CWF19L1: variants seen among roughly 807,000 people sequenced by gnomAD.
CWF19L1 encodes the protein CWF19-like protein 1.
Under a neutral mutation model 69.7 loss-of-function variants are expected in CWF19L1, and 60 were observed. The ratio of observed to expected loss-of-function variants is 0.86; its 90% CI spans 0.70 to 1.07. CWF19L1 has a LOEUF of 1.07. Among genes scored for constraint, CWF19L1 ranks in the 50% least tolerant of loss-of-function variants. The pLI is 0.00. For synonymous variants in CWF19L1, 209 were observed against 222.2 expected (o/e 0.94, Z 0.53); for missense variants, 591 against 638.9 (o/e 0.92, Z 0.81).
chr10:100,238,322 G>A (rs1449707080), intron 10 of CWF19L1, 91 bp from the exon 11 acceptor site: 3 of 1,172,482 alleles, frequency 2.6e-6, no homozygotes, highest in East Asian at 2.3e-5. Context: ...GCCTGAGGGT[G>A]TAGGCGAAAA....
intron 7 of CWF19L1, chr10:100,248,503 A>T: frequency 2.9e-6 from 2 of 680,964 alleles, no homozygotes; most frequent in South Asian, 3.2e-5. Context: ...GTCATCACTG[A>T]TAGCAAAGAT....
intron 11 of CWF19L1, 68 bp downstream of exon 11, chr10:100,237,954 A>C: frequency 6.8e-7 from 1 of 1,460,366 alleles, no homozygotes; most frequent in East Asian, 2.3e-5. Flanking sequence ...CAGCCTATTT[A>C]AATACTTATT....
intron 2 of CWF19L1, 105 bp downstream of exon 2, chr10:100,261,869 CAATTT>C: frequency 1.1e-6 from 1 of 919,456 alleles, no homozygotes; most frequent in South Asian, 1.8e-5. Context: ...GAAGGGAACT[CAATTT>C]AACAAAAATG....
intron 6 of CWF19L1, among the ~76,000 whole-genome samples, chr10:100,251,420 G>C (rs991180798): frequency 9.2e-5 from 14 of 151,870 alleles, no homozygotes; most frequent in African/African-American, 3.4e-4. Flanking sequence ...CATCCTAGTG[G>C]GTATGAAGTG....
Position 100,236,962 on chromosome 10 carries a change from G to A in CWF19L1, c.1262C>T (p.Pro421Leu). Residue 421 changes from proline (P) to leucine (L), a missense_variant, in exon 12 of 14, where the codon CCT becomes CTT. Physicochemically the swap from Pro to Leu is moderately conservative, Grantham distance 98. Around this residue, in one of 3 missense-constraint regions of CWF19L1, gnomAD observed 458 missense variants for 489.3 expected, o/e 0.94. Coordinates refer to ENST00000354105, the MANE Select transcript of CWF19L1 (RefSeq NM_018294.6). ...AGTAGTAGAGCAGCTGATTGGGACA[G>A]GAATGACCTGGGGGTTGGGGAGACA... ...KSHHLQLQVI[P>L]VPISCSTTDD... 1.3e-6 allele frequency: 2 copies of A among 1,588,252 alleles called. No homozygotes were observed. The highest frequency in any genetic ancestry group is 8.6e-7 in the Non-Finnish European group (1 of 1,168,008).
chr10:100,264,730 C>A (rs2134328617), intron 1 of CWF19L1, among the ~76,000 whole-genome samples: 1 of 152,110 alleles, frequency 6.6e-6, no homozygotes, highest in African/African-American at 2.4e-5. Flanking sequence ...TACTGAAGCC[C>A]TTCCAGTGGG....
rs771632474 is a variant in CWF19L1 at position 100,262,086 on chromosome 10, T to C, written c.24-23A>G. The C allele has an allele frequency of 6.9e-6, 11 of 1,598,562 alleles. No individual in the cohort carries two copies. The Admixed American group carries it at 1.3e-4, about 18-fold the overall frequency. ...AAGCTGCAAACAAAGAGATAAACAT[T>C]ATAGCAATTCAGGAAACAAATGGGC... On this transcript the variant is annotated intron_variant, in intron 1 of 13. Coordinates refer to ENST00000354105, the MANE Select transcript of CWF19L1 (RefSeq NM_018294.6).
rs201394454 is a variant in CWF19L1 at position 100,261,006 on chromosome 10, T to C, written c.147A>G (p.Gln49=). 25 of 1,612,936 alleles carry C rather than the reference T, an allele frequency of 1.5e-5. No individual in the cohort carries two copies. In the Admixed American group the frequency reaches 1.7e-4, roughly 11 times the overall value. The change falls in exon 3 of 14, where the codon CAA becomes CAG. Residue 49 remains glutamine, a synonymous_variant. Transcript: ENST00000354105. ...LCVGNFFGST[Q]DAEWEEYKTG... ...TCTTATACTCCTCCCATTCAGCATC[T>C]TGGGTGGAGCCAAAGAAATTTCCTA...
chr10:100,235,366 T>C (rs776371992), intron 13 of CWF19L1, among the ~76,000 whole-genome samples: 4 of 152,206 alleles, frequency 2.6e-5, no homozygotes, highest in Non-Finnish European at 4.4e-5. Context: ...ACCTCAATCT[T>C]TGCCCTCTAA....
At chr10:100,237,173 T>C (rs1846470655) in intron 11 of CWF19L1, 1 of 742,868 alleles carries the variant, frequency 1.3e-6, no homozygotes, top group African/African-American at 1.7e-5. Context: ...GGAGCCATTC[T>C]CTGATGCAGG....
At chr10:100,257,101 T>C (rs1589629756) in intron 4 of CWF19L1, among the ~76,000 whole-genome samples, 1 of 152,180 alleles carries the variant, frequency 6.6e-6, no homozygotes, top group East Asian at 1.9e-4. Flanking sequence ...TTCCCTCCTG[T>C]TGCCTTCAAG....
chr10:100,261,120 T>A, intron 2 of CWF19L1, 76 bp from the exon 3 acceptor site: 1 of 942,486 alleles, frequency 1.1e-6, no homozygotes, highest in Non-Finnish European at 1.6e-6. Context: ...AATATTCAAC[T>A]AGTTATTTAA....
intron 8 of CWF19L1, 194 bp from the exon 9 acceptor site, chr10:100,246,107 T>C: frequency 2.0e-6 from 1 of 497,268 alleles, no homozygotes. Flanking sequence ...TCAACACTTA[T>C]CCAAACTACT....
intron 3 of CWF19L1, 61 bp from the exon 4 acceptor site, chr10:100,260,380 A>G: frequency 1.2e-6 from 1 of 853,880 alleles, no homozygotes; most frequent in South Asian, 1.5e-5. Context: ...AACTTAAGAT[A>G]TGCCTCTCTA....
At position 100,260,354 on chromosome 10, in the gene CWF19L1, A is replaced by T. The variant is rs781319848; in HGVS notation, c.188-35T>A. ...GAAACAGACATGACACCATATAGTT[A>T]CCAGATCTGCTTTAGAACTTAAGAT... On this transcript the variant is annotated intron_variant, in intron 3 of 13. Transcript: ENST00000354105. The T allele has an allele frequency of 1.6e-5, 19 of 1,201,356 alleles. No homozygotes were observed. In the East Asian group the frequency reaches 4.5e-4, roughly 28 times the overall value. The allele number at this position is 1,201,356 out of a possible 1,614,324, so 74.4% of individuals were successfully genotyped here.
intron 10 of CWF19L1, 23 bp from the exon 11 acceptor site, chr10:100,238,254 T>C: frequency 6.2e-7 from 1 of 1,608,498 alleles, no homozygotes. Context: ...CACACAGAAT[T>C]GAGACATCAA....
chr10:100,255,939 CAAAAAA>C (rs1847198906), intron 5 of CWF19L1, among the ~76,000 whole-genome samples: 1 of 140,010 alleles, frequency 7.1e-6, no homozygotes, highest in Non-Finnish European at 1.5e-5. Flanking sequence ...CAAAAAAAAA[CAAAAAA>C]CAAAAAACAA....
At chr10:100,245,721 A>G in intron 9 of CWF19L1, 78 bp downstream of exon 9, 1 of 1,036,250 alleles carries the variant, frequency 9.7e-7, no homozygotes, top group Non-Finnish European at 1.5e-6. Context: ...AGGCTCTCTT[A>G]GCAATGCTGC....
At chr10:100,238,327 C>A in intron 10 of CWF19L1, 96 bp from the exon 11 acceptor site, 2 of 1,037,612 alleles carry the variant, frequency 1.9e-6, no homozygotes, top group Non-Finnish European at 2.9e-6. Flanking sequence ...AGGGTGTAGG[C>A]GAAAAGTACT....
Sources: allele counts gnomAD v4.1 joint callset (sites outside exome capture counted in the v4.1 genomes callset), GRCh38; gene constraint gnomAD v4.1.1; regional missense constraint gnomAD v4.1.1; transcripts MANE v1.5; gene names NCBI Gene and HGNC (gene_info 2026-07-23, HGNC 2026-07-21).